Variants in SLC6A3 observed in about 807,000 individuals in gnomAD.
SLC6A3 encodes the protein solute carrier family 6 member 3, also known as sodium-dependent dopamine transporter.
A neutral mutation model predicts 70.4 loss-of-function variants in SLC6A3; 19 were observed. The ratio of observed to expected loss-of-function variants is 0.27; its 90% CI spans 0.19 to 0.40. The LOEUF is 0.40. SLC6A3 is among the 10% of genes least tolerant of loss of function. The probability of loss-of-function intolerance (pLI) is 1.00; values close to 1 mark genes in which losing one functional copy is unlikely to be tolerated. For synonymous variants in SLC6A3, 368 were observed against 356.6 expected (o/e 1.03, Z -0.36); for missense variants, 613 against 838.5 (o/e 0.73, Z 3.32).
At chr5:1,441,523 C>A (rs779076257) in intron 2 of SLC6A3, 33 bp from the exon 3 acceptor site, 2 of 1,609,992 alleles carry the variant, frequency 1.2e-6, no homozygotes, top group African/African-American at 1.3e-5. Context: ...TAGTTTGGGG[C>A]CTCGGAAGGG....
rs900341431 is a variant in SLC6A3, at chr5:1,402,076, C to T, written c.1767+846G>A. ...CCACATGTCTGAGCCCAGGGGACAC[C>T]GTGTGGCCCTAAGGTGGAATCCTTG... is the stretch of plus-strand genomic sequence containing the variant. On this transcript the variant is annotated intron_variant, in intron 13 of 14. Transcript: ENST00000270349. This position sits in a 1 kb window ranked among gnomAD's most constrained non-coding sequence, Gnocchi z 8.5. Among the ~76,000 whole-genome samples, 3 of 152,190 alleles carry T rather than the reference C, an allele frequency of 2.0e-5. No individual in the cohort carries two copies. The highest frequency in any genetic ancestry group is 2.9e-5 in the Non-Finnish European group (2 of 68,024).
At chr5:1,428,377 A>G (rs1245598846) in intron 4 of SLC6A3, among the ~76,000 whole-genome samples, 3 of 152,252 alleles carry the variant, frequency 2.0e-5, no homozygotes, top group Non-Finnish European at 4.4e-5. Flanking sequence ...GCTTTAATTT[A>G]TAACTTTATA....
rs778617693 is a variant in SLC6A3 at position 1,443,047 on chromosome 5, G to T, written c.151C>A (p.Arg51=). The change falls in exon 2 of 15, where the codon CGG becomes AGG. Residue 51 remains arginine (R), a synonymous_variant. Transcript: ENST00000270349. ...TCCTGGGCCTCCACGGGGCTCTGCC[G>T]CGGGTTGGTGAGGGTGGAGCTGGTG... ...QLTSSTLTNP[R]QSPVEAQDRE... is the part of the protein sequence containing the mutation. 8 of 1,614,112 alleles carry T rather than the reference G, an allele frequency of 5.0e-6. No individual in the cohort carries two copies. Among genetic ancestry groups the T allele is most frequent in the Non-Finnish European group, 6.8e-6 (8 of 1,180,048 alleles).
chr5:1,432,445 G>A lies in SLC6A3; in HGVS notation c.653+19C>T. 1 of 1,591,126 alleles carries A rather than the reference G, an allele frequency of 6.3e-7. No homozygotes were observed. Among genetic ancestry groups the A allele is most frequent in the Non-Finnish European group, 8.6e-7 (1 of 1,159,322 alleles). ...GCTGCGCCATCTCTCCCGTTCCCGAGGACCCGACTCCCACTTACTCAAAGT... is the reference window on the plus strand; with the variant it reads ...GCTGCGCCATCTCTCCCGTTCCCGAAGACCCGACTCCCACTTACTCAAAGT... On this transcript the variant is annotated intron_variant, in intron 4 of 14. Coordinates refer to ENST00000270349, the MANE Select transcript of SLC6A3 (RefSeq NM_001044.5).
At chr5:1,416,873 C>T (rs954626353) in intron 6 of SLC6A3, among the ~76,000 whole-genome samples, 1 of 152,080 alleles carries the variant, frequency 6.6e-6, no homozygotes, top group Non-Finnish European at 1.5e-5. Context: ...ATGACCGCAG[C>T]GTCCTAACAA....
chr5:1,400,003 C>T (rs910873943), intron 14 of SLC6A3, among the ~76,000 whole-genome samples: 1 of 152,188 alleles, frequency 6.6e-6, no homozygotes, highest in South Asian at 2.1e-4. Flanking sequence ...GGACTGTTTA[C>T]GAGAACCAGC....
At chr5:1,415,465 G>T (rs368095114) in intron 7 of SLC6A3, among the ~76,000 whole-genome samples, 1 of 152,180 alleles carries the variant, frequency 6.6e-6, no homozygotes, top group Admixed American at 6.5e-5. Flanking sequence ...GCCTTCCAGC[G>T]CCCACTCTCA....
rs138509926 is a variant in SLC6A3, at chr5:1,438,053, C to G, written c.418+3306G>C. 1.2e-4 allele frequency among the ~76,000 whole-genome samples: 19 copies of G among 152,330 alleles called. No individual in the cohort carries two copies. In the East Asian group the frequency reaches 2.5e-3, roughly 20 times the overall value. ...GCGCTTGACAGGTAGGCAGAACAAA[C>G]GGGACGCTGGCACCGGAACCTGCAG... is the stretch of plus-strand genomic sequence containing the variant. On this transcript the variant is annotated intron_variant, in intron 3 of 14. Transcript: ENST00000270349. The surrounding 1 kb of genome is among the most constrained non-coding windows in gnomAD (Gnocchi z 6.5).
Position 1,442,677 on chromosome 5 carries a change from G to A in SLC6A3, c.286+235C>T, listed in dbSNP as rs950298549. ...GCCCCCCACCCCCCAGCTTCTTCGCGGGCCTCCCTTTCCTAAACTCTGAAA... is the reference window on the plus strand; with the variant it reads ...GCCCCCCACCCCCCAGCTTCTTCGCAGGCCTCCCTTTCCTAAACTCTGAAA... On this transcript the variant is annotated intron_variant, in intron 2 of 14. Coordinates refer to ENST00000270349, the MANE Select transcript of SLC6A3 (RefSeq NM_001044.5). This position sits in a 1 kb window ranked among gnomAD's most constrained non-coding sequence, Gnocchi z 5.0. 1.3e-5 allele frequency among the ~76,000 whole-genome samples: 2 copies of A among 151,240 alleles called. No individual in the cohort carries two copies. The highest frequency in any genetic ancestry group is 6.6e-5 in the Admixed American group (1 of 15,196).
Position 1,402,356 on chromosome 5 carries a change from G to T in SLC6A3, c.1767+566C>A, listed in dbSNP as rs1396677372. 6.6e-6 allele frequency among the ~76,000 whole-genome samples: 1 copy of T among 151,558 alleles called. No individual in the cohort carries two copies. The highest frequency in any genetic ancestry group is 1.5e-5 in the Non-Finnish European group (1 of 67,946). Reference sequence around the variant, plus strand: ...CGGCAAAACCAAGCAGAAGAAAGGAGATGCATATCAGTGACTCCGCAAAGC... The same window carrying T: ...CGGCAAAACCAAGCAGAAGAAAGGATATGCATATCAGTGACTCCGCAAAGC... On this transcript the variant is annotated intron_variant, in intron 13 of 14. Transcript: ENST00000270349. The surrounding 1 kb of genome is among the most constrained non-coding windows in gnomAD (Gnocchi z 8.5).
At chr5:1,407,511 C>A (rs965462122) in intron 11 of SLC6A3, among the ~76,000 whole-genome samples, 2 of 152,230 alleles carry the variant, frequency 1.3e-5, no homozygotes, top group Admixed American at 6.5e-5. Flanking sequence ...GGAAGCCCGG[C>A]GTATTCCGGC....
At chr5:1,428,844 GTTAC>G (rs1226834108) in intron 4 of SLC6A3, among the ~76,000 whole-genome samples, 1 of 152,220 alleles carries the variant, frequency 6.6e-6, no homozygotes, top group African/African-American at 2.4e-5. Context: ...AGGCCTCACG[GTTAC>G]TTCCTGAGGA....
chr5:1,414,969 G>C (rs1302310998), intron 7 of SLC6A3, among the ~76,000 whole-genome samples, 154 bp from the exon 8 acceptor site: 6 of 152,186 alleles, frequency 3.9e-5, no homozygotes, highest in Non-Finnish European at 8.8e-5. Flanking sequence ...CTCCTTAGCA[G>C]CCTGGCAGAG....
chr5:1,409,061 A>C lies in SLC6A3; in HGVS notation c.1463T>G (p.Val488Gly). 6.2e-7 allele frequency: 1 copy of C among 1,613,000 alleles called. No homozygotes were observed. Among genetic ancestry groups the C allele is most frequent in the Non-Finnish European group, 8.5e-7 (1 of 1,179,906 alleles). The stretch of plus-strand genomic sequence containing the variant: ...GGCCACTCCGATGGCTTCGATGAGC[A>C]CTCCAAAGAGGATGGACGTGCCGGC... ...FAAGTSILFG[V>G]LIEAIGVAWF... The change falls in exon 11 of 15, where the codon GTG becomes GGG. Residue 488 changes from valine (V) to glycine (G), a missense_variant. By Grantham distance (109) the Val-to-Gly change is moderately radical. This residue lies in a region of SLC6A3 where 348 missense variants were observed against 481.2 expected (regional missense o/e 0.72). Coordinates refer to ENST00000270349, the MANE Select transcript of SLC6A3 (RefSeq NM_001044.5).
intron 6 of SLC6A3, among the ~76,000 whole-genome samples, chr5:1,419,546 C>CA (rs1756386967): frequency 2.0e-5 from 3 of 152,206 alleles, no homozygotes; most frequent in Admixed American, 6.5e-5. Flanking sequence ...GATTCTGTAA[C>CA]ATGCCATGGT....
intron 9 of SLC6A3, among the ~76,000 whole-genome samples, 188 bp from the exon 10 acceptor site, chr5:1,410,037 C>T (rs945726407): frequency 5.3e-5 from 8 of 152,204 alleles, no homozygotes; most frequent in East Asian, 3.8e-4. Context: ...TATGGCGGCA[C>T]GACCGCAGGA....
rs1196849027 is a variant in SLC6A3 at position 1,443,328 on chromosome 5, G to A, written c.-45-86C>T. The A allele has an allele frequency of 3.8e-6, 4 of 1,046,914 alleles. No individual in the cohort carries two copies. The East Asian group carries it at 9.6e-5, about 25-fold the overall frequency. The allele number at this position is 1,046,914 out of a possible 1,614,324, so 64.9% of individuals were successfully genotyped here. A position where few individuals can be genotyped will look rare whatever the true frequency, so the allele number is the denominator to read the frequency against. On this transcript the variant is annotated intron_variant, in intron 1 of 14. Transcript: ENST00000270349. ...AGGGACATACCTGGTGCGGAGGGCA[G>A]AGCCCCGAGGCATTCACGGGCATTC... is the stretch of plus-strand genomic sequence containing the variant.
intron 3 of SLC6A3, among the ~76,000 whole-genome samples, chr5:1,434,185 T>C (rs1300547998): frequency 6.6e-6 from 1 of 152,162 alleles, no homozygotes; most frequent in African/African-American, 2.4e-5. Flanking sequence ...CAGGGTTTCC[T>C]AGAATCACCC....
At position 1,422,658 on chromosome 5, in the gene SLC6A3, A is replaced by G. The variant is rs1373569062; in HGVS notation, c.654-644T>C. Among the ~76,000 whole-genome samples, 61 of 27,412 alleles carry G rather than the reference A, an allele frequency of 2.2e-3. 9 individuals carry two copies. The highest frequency in any genetic ancestry group is 7.2e-3 in the East Asian group (4 of 554). 18.0% of individuals were successfully genotyped at this position (27,412 alleles called of 152,430 possible). On this transcript the variant is annotated intron_variant, in intron 4 of 14. Transcript: ENST00000270349. ...CCCAGTGCTGCCCATGGTGCTGGGT[A>G]CCCACCGCTGCCCAGTGCTGCCCAT... is the stretch of plus-strand genomic sequence containing the variant.
Sources: gnomAD v4.1 joint callset for allele counts (sites outside exome capture counted in the v4.1 genomes callset) on GRCh38, gnomAD v4.1.1 for gene constraint, gnomAD v4.1.1 regional missense constraint, Gnocchi (gnomAD v3.1) non-coding constraint, MANE v1.5 for transcripts, NCBI Gene and HGNC (gene_info 2026-07-23, HGNC 2026-07-21) for gene names.